NCR3LG1: variants seen among roughly 807,000 people sequenced by gnomAD.
NCR3LG1 encodes natural killer cell cytotoxicity receptor 3 ligand 1.
In NCR3LG1, 35 loss-of-function variants were observed where a neutral mutation model predicts 34.8. The observed-to-expected ratio is 1.01, with a 90% CI of 0.77 to 1.33. The LOEUF is 1.33. Among genes scored for constraint, NCR3LG1 ranks in the 40% most tolerant of loss-of-function variants. The probability of loss-of-function intolerance (pLI) is 0.00; values close to 1 mark genes in which losing one functional copy is unlikely to be tolerated. For missense variants in NCR3LG1, 452 were observed against 423.3 expected (o/e 1.07, Z -0.60); for synonymous variants, 173 against 163.6 (o/e 1.06, Z -0.44).
chr11:17,353,471 T>C (rs895082584), intron 1 of NCR3LG1, among the ~76,000 whole-genome samples: 2 of 152,230 alleles, frequency 1.3e-5, no homozygotes, highest in Admixed American at 6.5e-5. Flanking sequence ...CCGCGCTCTA[T>C]CAGTCTGGGT....
intron 2 of NCR3LG1, among the ~76,000 whole-genome samples, chr11:17,363,331 A>G (rs972555394): frequency 1.1e-4 from 17 of 152,036 alleles, no homozygotes; most frequent in Non-Finnish European, 2.1e-4. Flanking sequence ...ATTTTTCTGG[A>G]TATAAGATTC....
chr11:17,364,962 C>T (rs1268887270), intron 2 of NCR3LG1, among the ~76,000 whole-genome samples: 1 of 152,176 alleles, frequency 6.6e-6, no homozygotes, highest in Non-Finnish European at 1.5e-5. Context: ...CATCACTCTG[C>T]TTATATTATC....
At chr11:17,368,272 A>G (rs1412570521) in intron 3 of NCR3LG1, among the ~76,000 whole-genome samples, 1 of 152,108 alleles carries the variant, frequency 6.6e-6, no homozygotes, top group Non-Finnish European at 1.5e-5. Flanking sequence ...TTTTGAGCTC[A>G]TATGCCTTGG....
intron 3 of NCR3LG1, among the ~76,000 whole-genome samples, chr11:17,368,498 G>T (rs1564858433): frequency 6.6e-6 from 1 of 152,076 alleles, no homozygotes; most frequent in Non-Finnish European, 1.5e-5. Context: ...TGCAGGGAGG[G>T]TATGTGTGTC....
rs1953149098 is a variant in NCR3LG1, at chr11:17,352,467, G to T, written c.70+428G>T. Among the ~76,000 whole-genome samples, 4 of 151,288 alleles carry T rather than the reference G, an allele frequency of 2.6e-5. No individual in the cohort carries two copies. In the South Asian group the frequency reaches 8.7e-4, roughly 33 times the overall value. On this transcript the variant is annotated intron_variant, in intron 1 of 4. Transcript: ENST00000338965. ...GGGGATTACAGGCGTGAGCCCCCGC[G>T]CCCGGCCTGGGGGCTCTATTTTCAA...
intron 3 of NCR3LG1, 58 bp from the exon 4 acceptor site, chr11:17,368,809 G>A (rs1953375873): frequency 8.7e-7 from 1 of 1,150,430 alleles, no homozygotes; most frequent in Non-Finnish European, 1.3e-6. Context: ...GCAGTTGTGT[G>A]GTTTCTCTGG....
intron 2 of NCR3LG1, among the ~76,000 whole-genome samples, chr11:17,364,772 C>T (rs1291492255): frequency 2.0e-5 from 3 of 152,120 alleles, no homozygotes; most frequent in Non-Finnish European, 4.4e-5. Context: ...TCTCGAACTC[C>T]TGACCTCAGG....
At chr11:17,362,688 CTTCCTTTCTTTCTTTCTTTCTTTCT>C (rs1953285114) in intron 2 of NCR3LG1, among the ~76,000 whole-genome samples, 2 of 16,034 alleles carry the variant, frequency 1.2e-4, no homozygotes, top group African/African-American at 2.0e-3. Context: ...TCCTTCCTTC[CTTCCTTTCTTTCTTTCTTTCTTTCT>C]TTCTTTCTTT....
At chr11:17,352,325 C>T (rs537406020) in intron 1 of NCR3LG1, among the ~76,000 whole-genome samples, 2 of 151,922 alleles carry the variant, frequency 1.3e-5, no homozygotes, top group Non-Finnish European at 2.9e-5. Context: ...GGACCACAGG[C>T]GCCCGCCACC....
At chr11:17,361,000 G>C (rs1310327519) in intron 2 of NCR3LG1, among the ~76,000 whole-genome samples, 1 of 152,146 alleles carries the variant, frequency 6.6e-6, no homozygotes, top group East Asian at 1.9e-4. Flanking sequence ...GCCTCCCAAA[G>C]TGTTGGGATT....
At chr11:17,356,431 C>T (rs549477398) in intron 1 of NCR3LG1, among the ~76,000 whole-genome samples, 2 of 152,110 alleles carry the variant, frequency 1.3e-5, no homozygotes, top group African/African-American at 4.8e-5. Flanking sequence ...GCCACCGTGC[C>T]TGGCCTCATG....
At chr11:17,379,569 G>A (rs983052641), downstream of NCR3LG1, among the ~76,000 whole-genome samples, 13 of 152,108 alleles carry the variant, frequency 8.5e-5, no homozygotes, top group Admixed American at 3.9e-4. Flanking sequence ...AGAACAGGTC[G>A]AGACTAGCCT....
chr11:17,360,997 A>G (rs1321277486), intron 2 of NCR3LG1, among the ~76,000 whole-genome samples: 1 of 152,004 alleles, frequency 6.6e-6, no homozygotes, highest in Non-Finnish European at 1.5e-5. Flanking sequence ...TCAGCCTCCC[A>G]AAGTGTTGGG....
chr11:17,358,777 C>T (rs1208333812), intron 2 of NCR3LG1, among the ~76,000 whole-genome samples: 1 of 152,110 alleles, frequency 6.6e-6, no homozygotes, highest in Non-Finnish European at 1.5e-5. Context: ...AATAAGGACT[C>T]AAGGATATTT....
At chr11:17,362,637 C>CT (rs760247874) in intron 2 of NCR3LG1, among the ~76,000 whole-genome samples, 40,160 of 101,470 alleles carry the variant, frequency 0.4, 11,009 homozygotes, top group African/African-American at 0.53. Context: ...TTTTCTTCTT[C>CT]TTTTTTTTTT....
At chr11:17,365,793 A>C (rs1953338954) in intron 2 of NCR3LG1, among the ~76,000 whole-genome samples, 1 of 152,200 alleles carries the variant, frequency 6.6e-6, no homozygotes, top group Non-Finnish European at 1.5e-5. Flanking sequence ...AGCATCCCTA[A>C]GACCAGGACC....
intron 2 of NCR3LG1, among the ~76,000 whole-genome samples, chr11:17,362,683 CCTTCCTTCCTTTCTTT>C (rs1349979594): frequency 7.2e-4 from 15 of 20,950 alleles, no homozygotes; most frequent in African/African-American, 5.4e-3. Flanking sequence ...CTCCTTCCTT[CCTTCCTTCCTTTCTTT>C]CTTTCTTTCT....
chr11:17,369,857 GAAGA>G (rs1953387725), intron 4 of NCR3LG1, among the ~76,000 whole-genome samples: 1 of 152,206 alleles, frequency 6.6e-6, no homozygotes, highest in African/African-American at 2.4e-5. Context: ...GAGGAGGAAG[GAAGA>G]AACTAGTCAG....
downstream of NCR3LG1, chr11:17,380,700 G>A (rs571223846): frequency 1.3e-5 from 2 of 152,230 alleles, no homozygotes; most frequent in East Asian, 3.9e-4. Context: ...GTATTGTCCA[G>A]GCTGGTCTCA....
Sources: gnomAD v4.1 joint callset for allele counts (sites outside exome capture counted in the v4.1 genomes callset) on GRCh38, gnomAD v4.1.1 for gene constraint, MANE v1.5 for transcripts, NCBI Gene and HGNC (gene_info 2026-07-23, HGNC 2026-07-21) for gene names.